Variants in PEAK1 observed in about 807,000 individuals in gnomAD.
PEAK1 encodes inactive tyrosine-protein kinase PEAK1.
In PEAK1, 54 loss-of-function variants were observed where a neutral mutation model predicts 124.7. The ratio of observed to expected loss-of-function variants is 0.43; its 90% CI spans 0.35 to 0.54. The LOEUF (loss-of-function observed/expected upper bound fraction) is 0.54. Ranked by LOEUF, PEAK1 falls within the 20% of genes least tolerant of loss-of-function variation. PEAK1 has a pLI of 0.01. For missense variants in PEAK1, 2,046 were observed against 2,134.5 expected (o/e 0.96, Z 0.82); for synonymous variants, 719 against 760.0 (o/e 0.95, Z 0.89).
chr15:77,371,840 C>T (rs764182011), intron 1 of PEAK1, among the ~76,000 whole-genome samples: 2 of 152,312 alleles, frequency 1.3e-5, no homozygotes, highest in East Asian at 1.9e-4. Flanking sequence ...CCTGAGATCG[C>T]GCCACTGCGC....
At chr15:77,143,491 G>A (rs1596334730) in intron 8 of PEAK1, among the ~76,000 whole-genome samples, 2 of 152,256 alleles carry the variant, frequency 1.3e-5, no homozygotes, top group South Asian at 2.1e-4. Context: ...AAGAAAGTGA[G>A]CCTTTCATGA....
chr15:77,195,709 C>G (rs2058068434), intron 6 of PEAK1, among the ~76,000 whole-genome samples: 2 of 152,190 alleles, frequency 1.3e-5, no homozygotes, highest in African/African-American at 2.4e-5. Context: ...GTGCACCATT[C>G]CCTGCAATTT....
intron 5 of PEAK1, among the ~76,000 whole-genome samples, chr15:77,276,535 G>C (rs544468966): frequency 4.7e-4 from 71 of 152,112 alleles, no homozygotes; most frequent in African/African-American, 1.6e-3. Context: ...AATATTTATA[G>C]AGAAAGGAGA....
chr15:77,114,522 C>A lies in PEAK1; in HGVS notation c.4875G>T (p.Leu1625=). 1 of 1,614,046 alleles carries A rather than the reference C, an allele frequency of 6.2e-7. No individual in the cohort carries two copies. The highest frequency in any genetic ancestry group is 8.5e-7 in the Non-Finnish European group (1 of 1,179,994). ...AGGGGGAGCGGAATGGGATGCGAGG[C>A]AGGTCTGCTCGTGTGTATTCCCTCT... ...LKEREYTRAD[L]PRIPFRSPYS... is the part of the protein sequence containing the mutation. Residue 1625 remains leucine (L), a synonymous_variant, in exon 10 of 10, where the codon CTG becomes CTT. Transcript: ENST00000682557.
At position 77,114,405 on chromosome 15, in the gene PEAK1, C is replaced by T. The variant is rs769026731; in HGVS notation, c.4992G>A (p.Gln1664=). The T allele has an allele frequency of 4.6e-5, 75 of 1,614,088 alleles. 2 individuals carry two copies. In the South Asian group the frequency reaches 5.9e-4, roughly 13 times the overall value. ...ILISDAKGIL[Q]CLLWGPREDL... ...CTTCGCGGGGGCCCCAGAGCAGACACTGGAGGATGCCTTTGGCGTCTGAAA... is the reference window on the plus strand; with the variant it reads ...CTTCGCGGGGGCCCCAGAGCAGACATTGGAGGATGCCTTTGGCGTCTGAAA... The change falls in exon 10 of 10, where the codon CAG becomes CAA. Residue 1664 remains glutamine (Q), a synonymous_variant. Coordinates refer to ENST00000682557, the MANE Select transcript of PEAK1 (RefSeq NM_001385026.1).
intron 7 of PEAK1, among the ~76,000 whole-genome samples, chr15:77,161,834 C>T (rs1291332150): frequency 1.3e-5 from 2 of 151,814 alleles, no homozygotes; most frequent in Non-Finnish European, 1.5e-5. Flanking sequence ...GGTGTGGTGG[C>T]AGGTGCCTAT....
intron 6 of PEAK1, among the ~76,000 whole-genome samples, chr15:77,211,101 A>G (rs556864533): frequency 6.6e-6 from 1 of 152,272 alleles, no homozygotes; most frequent in Admixed American, 6.5e-5. Context: ...ACAGGCAAAC[A>G]CATCCATTCA....
At chr15:77,403,802 A>G (rs2071573489) in intron 1 of PEAK1, 1 of 981,106 alleles carries the variant, frequency 1.0e-6, no homozygotes, top group African/African-American at 1.7e-5. Flanking sequence ...ATTTAAAAAA[A>G]AGCTTATTCA....
Position 77,133,468 on chromosome 15 carries a change from T to C in PEAK1, c.3614A>G (p.Tyr1205Cys), listed in dbSNP as rs372390596. ...CTCAATGTCCAGTCCTTTGAGTTCA[T>C]AGCTGATGGAAGAACCAGCACTGCT... ...DASSAGSSIS[Y>C]ELKGLDIESY... The change falls in exon 9 of 10, where the codon TAT becomes TGT. Residue 1205 changes from tyrosine to cysteine, a missense_variant. Transcript: ENST00000682557. This position sits in a 1 kb window ranked among gnomAD's most constrained non-coding sequence, Gnocchi z 4.2. 4.3e-5 allele frequency: 70 copies of C among 1,614,140 alleles called. No individual in the cohort carries two copies. The highest frequency in any genetic ancestry group is 4.9e-5 in the Non-Finnish European group (58 of 1,180,046).
chr15:77,214,590 C>A (rs1382774094), intron 6 of PEAK1, among the ~76,000 whole-genome samples: 1 of 150,606 alleles, frequency 6.6e-6, no homozygotes, highest in African/African-American at 2.4e-5. Context: ...CACCACTACA[C>A]TCCAGCCTAG....
At chr15:77,172,856 G>A (rs550183457) in intron 7 of PEAK1, among the ~76,000 whole-genome samples, 9 of 152,152 alleles carry the variant, frequency 5.9e-5, no homozygotes, top group South Asian at 2.1e-4. Flanking sequence ...GGGCTCAAAC[G>A]ATCCTTCCAC....
intron 2 of PEAK1, chr15:77,350,823 G>C: frequency 2.0e-6 from 2 of 979,342 alleles, no homozygotes; most frequent in Non-Finnish European, 2.4e-6. Context: ...TTGATAATTT[G>C]TAATTGGCTG....
intron 7 of PEAK1, chr15:77,178,104 GTTA>G (rs1326479405): frequency 3.3e-5 from 5 of 152,142 alleles, no homozygotes; most frequent in Non-Finnish European, 1.5e-5. Context: ...TCAATAAATA[GTTA>G]TTAAGGTATT....
At chr15:77,226,999 T>C (rs2059706704) in intron 6 of PEAK1, among the ~76,000 whole-genome samples, 1 of 152,196 alleles carries the variant, frequency 6.6e-6, no homozygotes, top group African/African-American at 2.4e-5. Context: ...ATGGCAGTTG[T>C]CCTCAACCTT....
intron 2 of PEAK1, among the ~76,000 whole-genome samples, chr15:77,364,188 C>G (rs1008491853): frequency 4.3e-4 from 65 of 152,006 alleles, no homozygotes; most frequent in African/African-American, 1.0e-3. Context: ...GAAAGAGACT[C>G]CATCTCAAAG....
chr15:77,352,325 C>G, intron 2 of PEAK1: 1 of 985,370 alleles, frequency 1.0e-6, no homozygotes, highest in South Asian at 4.7e-5. Context: ...AAGTGCCTTA[C>G]TCGATCTATC....
chr15:77,250,145 A>ATATATATATACATATATATGTATATG (rs1567166070), intron 6 of PEAK1, among the ~76,000 whole-genome samples: 8 of 134,422 alleles, frequency 6.0e-5, no homozygotes, highest in Admixed American at 4.3e-4. Flanking sequence ...CACTGTTAAG[A>ATATATATATACATATATATGTATATG]TATATATATA....
Position 77,398,432 on chromosome 15 carries a change from T to C in PEAK1, c.-666+21574A>G, listed in dbSNP as rs571207508. ...CCATTCATCATGATCAAGTGGGATT[T>C]AACCTGAAGATGCAAGGATGGCTTG... On this transcript the variant is annotated intron_variant, in intron 1 of 9. Transcript: ENST00000682557. Among the ~76,000 whole-genome samples, 8 of 152,350 alleles carry C rather than the reference T, an allele frequency of 5.3e-5. No individual in the cohort carries two copies. In the South Asian group the frequency reaches 6.2e-4, roughly 12 times the overall value.
chr15:77,101,506 G>A (rs1181991852), exon 7 of PEAK1: 4 of 152,200 alleles, frequency 2.6e-5, no homozygotes, highest in Non-Finnish European at 5.9e-5. Context: ...CCTGGCAGTG[G>A]ACTAAATACA....
Sources: gnomAD v4.1 joint callset for allele counts (sites outside exome capture counted in the v4.1 genomes callset) on GRCh38, gnomAD v4.1.1 for gene constraint, Gnocchi (gnomAD v3.1) non-coding constraint, MANE v1.5 for transcripts, NCBI Gene and HGNC (gene_info 2026-07-23, HGNC 2026-07-21) for gene names.